The following VIPAS39 variants were observed in gnomAD, a reference collection of about 807,000 sequenced individuals.
VIPAS39 encodes spermatogenesis-defective protein 39 homolog.
Under a neutral mutation model 84.7 loss-of-function variants are expected in VIPAS39, and 63 were observed. The ratio of observed to expected loss-of-function variants is 0.74; its 90% CI spans 0.61 to 0.92. The LOEUF (loss-of-function observed/expected upper bound fraction) is 0.92, where lower values mean the gene tolerates loss of function less well. VIPAS39 is among the 40% of genes least tolerant of loss of function. The probability of loss-of-function intolerance (pLI) is 0.00; values close to 1 mark genes in which losing one functional copy is unlikely to be tolerated. For missense variants in VIPAS39, 499 were observed against 604.5 expected (o/e 0.83, Z 1.83); for synonymous variants, 192 against 216.5 (o/e 0.89, Z 0.99).
intron 11 of VIPAS39, among the ~76,000 whole-genome samples, chr14:77,440,745 G>C (rs1020257707): frequency 6.6e-6 from 1 of 152,106 alleles, no homozygotes; most frequent in Non-Finnish European, 1.5e-5. Flanking sequence ...GTGAGACAGA[G>C]TCTCACTCTG....
At chr14:77,444,542 T>A (rs1248476226) in intron 7 of VIPAS39, among the ~76,000 whole-genome samples, 1 of 152,224 alleles carries the variant, frequency 6.6e-6, no homozygotes, top group Non-Finnish European at 1.5e-5. Flanking sequence ...TATAAGATGC[T>A]AATGTCCTGA....
At chr14:77,449,056 G>A (rs2078842362) in intron 6 of VIPAS39, among the ~76,000 whole-genome samples, 1 of 152,220 alleles carries the variant, frequency 6.6e-6, no homozygotes, top group African/African-American at 2.4e-5. Flanking sequence ...GGAGCATAAT[G>A]AGTAAGCAAA....
In VIPAS39 at chr14:77,442,663, C is replaced by T; in HGVS notation, c.632-1G>A. The stretch of plus-strand genomic sequence containing the variant: ...ACCTCCAGCTCTCGGAAGAGGATCT[C>T]TGTCAGACAGTCAGGAGTTAAGTTG... On this transcript the variant is annotated splice_acceptor_variant, in intron 9 of 19. Coordinates refer to ENST00000557658, the MANE Select transcript of VIPAS39 (RefSeq NM_001193315.2). LOFTEE classifies it high-confidence loss of function. The T allele has an allele frequency of 6.2e-7, 1 of 1,614,044 alleles. No individual in the cohort carries two copies. Among genetic ancestry groups the T allele is most frequent in the Non-Finnish European group, 8.5e-7 (1 of 1,179,922 alleles).
chr14:77,435,832 G>A lies in VIPAS39; in HGVS notation c.912+12C>T. On this transcript the variant is annotated intron_variant, in intron 13 of 19. Transcript: ENST00000557658. ...GCACTGAAGCAAAAGATATAGAGAT[G>A]AAGAGTCTAACCTCAATAATGATCT... 2 of 1,613,750 alleles carry A rather than the reference G, an allele frequency of 1.2e-6. No individual in the cohort carries two copies. The highest frequency in any genetic ancestry group is 1.7e-6 in the Non-Finnish European group (2 of 1,179,648).
At chr14:77,437,918 C>T in intron 11 of VIPAS39, 37 bp from the exon 12 acceptor site, 1 of 1,601,166 alleles carries the variant, frequency 6.2e-7, no homozygotes, top group Non-Finnish European at 8.6e-7. Context: ...GGTATTTTGT[C>T]TCCTTAGATG....
chr14:77,433,483 G>A (rs989130058), intron 16 of VIPAS39, among the ~76,000 whole-genome samples: 2 of 152,168 alleles, frequency 1.3e-5, no homozygotes, highest in African/African-American at 2.4e-5. Flanking sequence ...TTATAGGCGT[G>A]AGCCACCGCG....
intron 16 of VIPAS39, among the ~76,000 whole-genome samples, chr14:77,432,217 A>T (rs2078534501): frequency 6.6e-6 from 1 of 152,152 alleles, no homozygotes; most frequent in Non-Finnish European, 1.5e-5. Context: ...CGTATAACTT[A>T]AGTATATACA....
intron 10 of VIPAS39, 27 bp downstream of exon 10, chr14:77,442,532 CT>C (rs1323101106): frequency 6.3e-7 from 1 of 1,585,528 alleles, no homozygotes; most frequent in African/African-American, 1.3e-5. Flanking sequence ...ACTTACTAAA[CT>C]TTATAGACCA....
Position 77,451,281 on chromosome 14 carries a change from C to A in VIPAS39, c.249G>T (p.Glu83Asp). Reference protein sequence around the residue: ...ETAGNSGSTHEGREQLKSRNS... With the variant: ...ETAGNSGSTHDGREQLKSRNS... ...TTCGGCTCTTTAGCTGTTCACGCCC[C>A]TCGTGGGTTGAGCCGCTATTACCAG... is the stretch of plus-strand genomic sequence containing the variant. The change falls in exon 4 of 20, where the codon GAG (glutamate) becomes GAT (aspartate). Residue 83 changes from glutamate to aspartate, a missense_variant. Physicochemically the swap from Glu to Asp is conservative, Grantham distance 45. Coordinates refer to ENST00000557658, the MANE Select transcript of VIPAS39 (RefSeq NM_001193315.2). The A allele has an allele frequency of 6.2e-7, 1 of 1,614,216 alleles. No homozygotes were observed.
intron 8 of VIPAS39, 149 bp downstream of exon 8, chr14:77,444,098 TAA>T: frequency 1.3e-6 from 1 of 790,898 alleles, no homozygotes; most frequent in Non-Finnish European, 2.0e-6. Context: ...GCTAAGCCCT[TAA>T]AGCACAGATT....
At chr14:77,435,515 G>A (rs1166463138) in intron 13 of VIPAS39, 122 bp from the exon 14 acceptor site, 1 of 1,341,492 alleles carries the variant, frequency 7.5e-7, no homozygotes, top group Non-Finnish European at 1.0e-6. Context: ...ACAAAGAACA[G>A]AAAAAGAAAG....
intron 2 of VIPAS39, 69 bp from the exon 3 acceptor site, chr14:77,453,470 G>C: frequency 6.8e-7 from 1 of 1,470,460 alleles, no homozygotes; most frequent in African/African-American, 1.4e-5. Flanking sequence ...TGACAATCAA[G>C]AAGGCTGAGG....
rs8009177 is a variant in VIPAS39, at chr14:77,427,088, A to G, written c.*528T>C. ...GCTGAGGAAACACAACGTCTAGGCCATGTGTGGCATAATGTGGAGGGGTCT... is the reference window on the plus strand; with the variant it reads ...GCTGAGGAAACACAACGTCTAGGCCGTGTGTGGCATAATGTGGAGGGGTCT... On this transcript the variant is annotated 3_prime_UTR_variant, in exon 20 of 20. Coordinates refer to ENST00000557658, the MANE Select transcript of VIPAS39 (RefSeq NM_001193315.2). The G allele has an allele frequency of 0.99, 155,766 of 158,110 alleles. 76,768 individuals are homozygous for G. The highest frequency in any genetic ancestry group is 1 in the Middle Eastern group (304 of 304). 9.8% of individuals were successfully genotyped at this position (158,110 alleles called of 1,614,324 possible).
chr14:77,457,178 T>TTAAGCTAG, intron 1 of VIPAS39: 6 of 1,466,234 alleles, frequency 4.1e-6, no homozygotes, highest in Non-Finnish European at 5.4e-6. Context: ...GGAACAAGAG[T>TTAAGCTAG]TAAGCTAGGA....
Position 77,449,760 on chromosome 14 carries a change from T to C in VIPAS39, c.344-8A>G, listed in dbSNP as rs970524687. On this transcript the variant is annotated splice_region_variant and splice_polypyrimidine_tract_variant and intron_variant, in intron 4 of 19. Transcript: ENST00000557658. ...TTCCAGGTCTAGTTCTACCTAAAGGTAAAGAACACAAGAGGGAAAAGGTCA... is the reference window on the plus strand; with the variant it reads ...TTCCAGGTCTAGTTCTACCTAAAGGCAAAGAACACAAGAGGGAAAAGGTCA... 3.7e-6 allele frequency: 6 copies of C among 1,613,824 alleles called. No individual in the cohort carries two copies. Among genetic ancestry groups the C allele is most frequent in the Non-Finnish European group, 4.2e-6 (5 of 1,179,996 alleles).
At chr14:77,435,422 A>AC in intron 13 of VIPAS39, 29 bp from the exon 14 acceptor site, 2 of 1,610,608 alleles carry the variant, frequency 1.2e-6, no homozygotes, top group Non-Finnish European at 1.7e-6. Flanking sequence ...AGTGAAAAAA[A>AC]AAAAAAACAA....
At chr14:77,432,144 T>C (rs1365518836) in intron 16 of VIPAS39, among the ~76,000 whole-genome samples, 1 of 152,208 alleles carries the variant, frequency 6.6e-6, no homozygotes, top group Non-Finnish European at 1.5e-5. Context: ...AGATGATAGA[T>C]ATGTTAATTT....
At chr14:77,438,226 A>AT (rs34877078) in intron 11 of VIPAS39, among the ~76,000 whole-genome samples, 23,637 of 132,078 alleles carry the variant, frequency 0.18, 2,229 homozygotes, top group Middle Eastern at 0.28. Flanking sequence ...AATATGGAAA[A>AT]TTTTTTTTTT....
intron 16 of VIPAS39, among the ~76,000 whole-genome samples, chr14:77,429,987 A>C (rs1411859123): frequency 6.6e-6 from 1 of 152,260 alleles, no homozygotes; most frequent in Non-Finnish European, 1.5e-5. Flanking sequence ...ATAGAAACGA[A>C]TGCAGGGAAA....
Sources: gnomAD v4.1 joint callset for allele counts (sites outside exome capture counted in the v4.1 genomes callset) on GRCh38, gnomAD v4.1.1 for gene constraint, MANE v1.5 for transcripts, NCBI Gene and HGNC (gene_info 2026-07-23, HGNC 2026-07-21) for gene names.